The following ZWILCH variants were observed in gnomAD, a reference collection of about 807,000 sequenced individuals.
ZWILCH encodes the protein protein zwilch homolog.
ZWILCH carries 74 observed loss-of-function variants against 79.9 expected under a neutral mutation model. The ratio of observed to expected loss-of-function variants is 0.93; its 90% CI spans 0.77 to 1.12. The LOEUF is 1.12. Among genes scored for constraint, ZWILCH ranks in the 50% most tolerant of loss-of-function variants. ZWILCH has a pLI of 0.00. For missense variants in ZWILCH, 694 were observed against 687.5 expected (o/e 1.01, Z -0.11); for synonymous variants, 241 against 228.2 (o/e 1.06, Z -0.51).
At position 66,543,201 on chromosome 15, in the gene ZWILCH, A is replaced by AAAAT. The variant is rs551629017; in HGVS notation, c.1687+3009_1687+3012dup. Among the ~76,000 whole-genome samples the AAAAT allele has an allele frequency of 1.7e-3, 262 of 152,304 alleles. 1 individual carries two copies. The highest frequency in any genetic ancestry group is 5.4e-3 in the African/African-American group (226 of 41,572). On this transcript the variant is annotated intron_variant, in intron 17 of 18. Transcript: ENST00000307897. ...GTGGCGGAGCAAGACTCCATCTCAAAAAATAAATAAATAAATAAATACATT... is the reference window on the plus strand; with the variant it reads ...GTGGCGGAGCAAGACTCCATCTCAAAAAATAAATAAATAAATAAATAAATACATT...
intron 1 of ZWILCH, among the ~76,000 whole-genome samples, chr15:66,507,181 C>T (rs1423626709): frequency 6.6e-6 from 1 of 152,192 alleles, no homozygotes; most frequent in African/African-American, 2.4e-5. Flanking sequence ...CTTTATACTT[C>T]ACATAGAAAG....
intron 1 of ZWILCH, among the ~76,000 whole-genome samples, chr15:66,506,293 A>G (rs913504147): frequency 1.3e-5 from 2 of 152,356 alleles, no homozygotes; most frequent in South Asian, 4.1e-4. Flanking sequence ...TGTCTTGGAC[A>G]TCTTTCATTG....
intron 15 of ZWILCH, 124 bp from the exon 16 acceptor site, chr15:66,537,044 T>C (rs190688019): frequency 1.5e-4 from 78 of 534,764 alleles, no homozygotes; most frequent in African/African-American, 1.3e-3. Flanking sequence ...GCTCTAAAAG[T>C]GTTCGCTGAT....
intron 6 of ZWILCH, 50 bp downstream of exon 6, chr15:66,520,710 C>A: frequency 8.1e-7 from 1 of 1,237,518 alleles, no homozygotes. Flanking sequence ...TGTTGTCAAC[C>A]TGCCTTCCTA....
At chr15:66,508,292 T>C (rs1048500225) in intron 1 of ZWILCH, among the ~76,000 whole-genome samples, 7 of 152,226 alleles carry the variant, frequency 4.6e-5, no homozygotes, top group East Asian at 1.9e-4. Context: ...TCCTGGAGTT[T>C]CATGCTTACA....
At position 66,514,048 on chromosome 15, in the gene ZWILCH, A is replaced by C. The variant is rs79460599; in HGVS notation, c.166A>C (p.Asn56His). The C allele has an allele frequency of 6.2e-7, 1 of 1,612,044 alleles. No individual in the cohort carries two copies. Among genetic ancestry groups the C allele is most frequent in the Non-Finnish European group, 8.5e-7 (1 of 1,179,074 alleles). ...GQPNPLKNIL[N>H]ENDIVFIVEK... ...ACCAAACCCTTTGAAAAATATTCTA[A>C]ATGAAAATGACATAGTATTCATAGT... is the stretch of plus-strand genomic sequence containing the variant. Residue 56 changes from asparagine to histidine, a missense_variant, in exon 3 of 19, where the codon AAT becomes CAT. By Grantham distance (68) the Asn-to-His change is moderately conservative. Transcript: ENST00000307897.
intron 17 of ZWILCH, among the ~76,000 whole-genome samples, chr15:66,544,605 C>A (rs1304016299): frequency 6.6e-6 from 1 of 151,842 alleles, no homozygotes; most frequent in African/African-American, 2.4e-5. Context: ...CTCCCAAAGC[C>A]CTAGGATTAC....
chr15:66,518,876 A>G lies in ZWILCH; in HGVS notation c.321-3A>G. Reference sequence around the variant, plus strand: ...ATAATTTGTCCTTACTCTTGTTTTAAAGGCAGTTAATTGGACTTTACACCA... The same window carrying G: ...ATAATTTGTCCTTACTCTTGTTTTAGAGGCAGTTAATTGGACTTTACACCA... On this transcript the variant is annotated splice_polypyrimidine_tract_variant and splice_region_variant and intron_variant, in intron 4 of 18. Transcript: ENST00000307897. 1 of 1,613,564 alleles carries G rather than the reference A, an allele frequency of 6.2e-7. No individual in the cohort carries two copies. The highest frequency in any genetic ancestry group is 8.5e-7 in the Non-Finnish European group (1 of 1,179,560).
At chr15:66,518,260 G>A (rs1444350529) in intron 4 of ZWILCH, among the ~76,000 whole-genome samples, 5 of 148,278 alleles carry the variant, frequency 3.4e-5, no homozygotes, top group African/African-American at 1.2e-4. Context: ...TAAGTTTTAG[G>A]TTGTTGTTTC....
intron 14 of ZWILCH, 82 bp from the exon 15 acceptor site, chr15:66,535,851 G>A (rs1423654307): frequency 1.7e-6 from 2 of 1,193,300 alleles, no homozygotes; most frequent in Non-Finnish European, 2.3e-6. Flanking sequence ...CCAAATGTAG[G>A]TGTAGAAGGC....
intron 3 of ZWILCH, among the ~76,000 whole-genome samples, chr15:66,514,957 C>G (rs1420865657): frequency 2.6e-5 from 4 of 151,916 alleles, no homozygotes; most frequent in Non-Finnish European, 5.9e-5. Flanking sequence ...TCCTTTTCTG[C>G]TTTTAAGGTA....
chr15:66,525,394 A>G (rs774155444), intron 8 of ZWILCH, among the ~76,000 whole-genome samples: 1 of 152,244 alleles, frequency 6.6e-6, no homozygotes, highest in Admixed American at 6.5e-5. Context: ...ACATGTGGCC[A>G]TAGTCTGTCT....
rs779094520 is a variant in ZWILCH at position 66,532,400 on chromosome 15, A to C, written c.1309A>C (p.Ile437Leu). Residue 437 changes from isoleucine (I) to leucine (L), a missense_variant, in exon 13 of 19, where the codon ATA becomes CTA. By Grantham distance (5) the Ile-to-Leu change is conservative. Transcript: ENST00000307897. ...AAAGAAAGATTATATCAGTTTTTTC[A>C]TAGGTAAGTATCTTTCCTGGCTCAA... ...KLKKDYISFF[I>L]GQELASLNHL... The C allele has an allele frequency of 1.2e-6, 2 of 1,602,030 alleles. No homozygotes were observed. The highest frequency in any genetic ancestry group is 1.7e-6 in the Non-Finnish European group (2 of 1,176,144).
At chr15:66,543,758 G>A (rs11852386) in intron 17 of ZWILCH, among the ~76,000 whole-genome samples, 8,421 of 133,750 alleles carry the variant, frequency 0.063, 325 homozygotes, top group Middle Eastern at 0.12. Context: ...CCCTGTCTCA[G>A]AAAAAAAAAA....
chr15:66,529,670 C>T (rs535681795), intron 12 of ZWILCH, 97 bp downstream of exon 12: 1 of 902,984 alleles, frequency 1.1e-6, no homozygotes, highest in East Asian at 2.5e-5. Flanking sequence ...TGAATTTCAG[C>T]TCTGCTACTT....
Position 66,527,330 on chromosome 15 carries a change from T to C in ZWILCH, c.860T>C (p.Leu287Pro), listed in dbSNP as rs760330951. 11 of 1,614,164 alleles carry C rather than the reference T, an allele frequency of 6.8e-6. No individual in the cohort carries two copies. Among genetic ancestry groups the C allele is most frequent in the South Asian group, 6.6e-5 (6 of 91,086 alleles). The part of the protein sequence containing the change: ...DGLRTGVTEW[L>P]EPLEAKSAVE... ...TTGAGGACTGGTGTCACTGAATGGC[T>C]CGAGCCCCTGGAAGCAAAATCTGCT... The change falls in exon 9 of 19, where the codon CTC becomes CCC. Residue 287 changes from leucine (L) to proline (P), a missense_variant. Physicochemically the swap from Leu to Pro is moderately conservative, Grantham distance 98 (BLOSUM62 -3). Transcript: ENST00000307897.
At chr15:66,534,657 G>T (rs978703674) in intron 14 of ZWILCH, among the ~76,000 whole-genome samples, 1 of 152,048 alleles carries the variant, frequency 6.6e-6, no homozygotes, top group Non-Finnish European at 1.5e-5. Flanking sequence ...CATAGAAGGG[G>T]TACAGTAAAA....
chr15:66,528,945 A>C lies in ZWILCH; in HGVS notation c.1063A>C (p.Lys355Gln), dbSNP rs924984482. ...DLDFAEQLWC[K>Q]MSSSVISYQD... ...TGATTTTGCTGAGCAACTGTGGTGC[A>C]AAATGAGCAGTAGTAGGTGTCCATC... The change falls in exon 11 of 19, where the codon AAA (lysine) becomes CAA (glutamine). Residue 355 changes from lysine (K) to glutamine (Q), a missense_variant. Physicochemically the swap from Lys to Gln is moderately conservative, Grantham distance 53 (BLOSUM62 1). Coordinates refer to ENST00000307897, the MANE Select transcript of ZWILCH (RefSeq NM_017975.5). The C allele has an allele frequency of 6.2e-7, 1 of 1,613,698 alleles. No individual in the cohort carries two copies. The highest frequency in any genetic ancestry group is 8.5e-7 in the Non-Finnish European group (1 of 1,179,584).
At chr15:66,538,884 T>C (rs1288603801) in intron 16 of ZWILCH, among the ~76,000 whole-genome samples, 4 of 152,228 alleles carry the variant, frequency 2.6e-5, no homozygotes, top group African/African-American at 9.6e-5. Context: ...CTTTCTTTTC[T>C]TCTTACTTCC....
Sources: gnomAD v4.1 joint callset for allele counts (sites outside exome capture counted in the v4.1 genomes callset) on GRCh38, gnomAD v4.1.1 for gene constraint, MANE v1.5 for transcripts, NCBI Gene and HGNC (gene_info 2026-07-23, HGNC 2026-07-21) for gene names.